Variants in HMCN2 observed in about 807,000 individuals in gnomAD.
The protein encoded by HMCN2 is hemicentin 2, also known as hemicentin-2.
In HMCN2, 325 loss-of-function variants were observed where a neutral mutation model predicts 377.5. The ratio of observed to expected loss-of-function variants is 0.86; its 90% CI spans 0.79 to 0.94. The LOEUF is 0.94. Among genes scored for constraint, HMCN2 ranks in the 40% least tolerant of loss-of-function variants. The pLI, the probability that HMCN2 is intolerant of heterozygous loss-of-function variation, is 0.00. For missense variants in HMCN2, 4,543 were observed against 4,725.3 expected, an observed-to-expected ratio of 0.96 and a Z score of 1.13; for synonymous variants, 2,007 against 2,046.8, an observed-to-expected ratio of 0.98 and a Z score of 0.53.
chr9:130,317,943 C>T, intron 15 of HMCN2, among the ~76,000 whole-genome samples: 1 of 152,052 alleles, frequency 6.6e-6, no homozygotes, highest in East Asian at 1.9e-4. Flanking sequence ...TGCGGCTGGG[C>T]TGGGTGCAGC....
Position 130,428,345 on chromosome 9 carries a change from G to C in HMCN2, c.14066-13G>C. 6.5e-7 allele frequency: 1 copy of C among 1,541,202 alleles called. No individual in the cohort carries two copies. The highest frequency in any genetic ancestry group is 1.2e-5 in the South Asian group (1 of 83,532). ...TCATGTTCACACAGCCGTCTGCCCT[G>C]ATCTGCCCCCAGATGTGGACGAGTG... On this transcript the variant is annotated splice_polypyrimidine_tract_variant and intron_variant, in intron 92 of 97. Coordinates refer to ENST00000683500, the MANE Select transcript of HMCN2 (RefSeq NM_001291815.2). The surrounding 1 kb of genome is among the most constrained non-coding windows in gnomAD (Gnocchi z 5.0).
intron 40 of HMCN2, 68 bp downstream of exon 40, chr9:130,363,058 A>G: frequency 1.0e-6 from 1 of 983,486 alleles, no homozygotes; most frequent in Non-Finnish European, 1.2e-6. Flanking sequence ...GGGCATTCCC[A>G]GTCACTTCCA....
chr9:130,273,676 T>G (rs1834524207), intron 1 of HMCN2, among the ~76,000 whole-genome samples: 1 of 152,208 alleles, frequency 6.6e-6, no homozygotes, highest in Non-Finnish European at 1.5e-5. Flanking sequence ...TTTCGTATCT[T>G]TAGTAGAGAC....
At chr9:130,371,724 G>T (rs1705164184) in intron 46 of HMCN2, among the ~76,000 whole-genome samples, 1 of 152,256 alleles carries the variant, frequency 6.6e-6, no homozygotes, top group South Asian at 2.1e-4. Flanking sequence ...GGTAAGAATT[G>T]CCGGGTGCAT....
chr9:130,431,716 T>A (rs997815291), intron 96 of HMCN2, among the ~76,000 whole-genome samples: 1 of 152,210 alleles, frequency 6.6e-6, no homozygotes, highest in Non-Finnish European at 1.5e-5. Context: ...GGGCAGGCTC[T>A]GAAAGCAGCC....
chr9:130,276,220 CA>C (rs1834685628), intron 1 of HMCN2, among the ~76,000 whole-genome samples: 1 of 152,146 alleles, frequency 6.6e-6, no homozygotes, highest in South Asian at 2.1e-4. Flanking sequence ...CTTCAATTCT[CA>C]AGGGTCCCCT....
intron 4 of HMCN2, among the ~76,000 whole-genome samples, chr9:130,293,036 A>T (rs1554930611): frequency 6.6e-6 from 1 of 152,012 alleles, no homozygotes; most frequent in East Asian, 1.9e-4. Flanking sequence ...CTATCAATTT[A>T]TCATCTATCT....
intron 85 of HMCN2, 71 bp downstream of exon 85, chr9:130,410,723 A>G: frequency 7.6e-7 from 1 of 1,313,544 alleles, no homozygotes; most frequent in Non-Finnish European, 1.1e-6. Flanking sequence ...TGTGCAGCCT[A>G]GAGGGCAGAC....
Position 130,430,584 on chromosome 9 carries a change from G to A in HMCN2, c.14627G>A (p.Arg4876Lys). The part of the protein sequence containing the change: ...GRAWCPPGFI[R>K]QNGVCTDLDE... ...GCCTGGTGCCCTCCTGGTTTCATCA[G>A]GCAGAACGGAGTCTGCACAGGTAAG... Residue 4876 changes from arginine (R) to lysine (K), a missense_variant, in exon 95 of 98, where the codon AGG becomes AAG. Around this residue, in one of 5 missense-constraint regions of HMCN2, gnomAD observed 1,155 missense variants for 1,157.7 expected, o/e 1.00. Coordinates refer to ENST00000683500, the MANE Select transcript of HMCN2 (RefSeq NM_001291815.2). 1 of 1,550,040 alleles carries A rather than the reference G, an allele frequency of 6.5e-7. No individual in the cohort carries two copies. The highest frequency in any genetic ancestry group is 1.2e-5 in the South Asian group (1 of 84,000).
intron 87 of HMCN2, among the ~76,000 whole-genome samples, chr9:130,424,432 T>G (rs1027389807): frequency 3.9e-5 from 6 of 152,026 alleles, no homozygotes; most frequent in Admixed American, 2.0e-4. Flanking sequence ...GTGATCTGAC[T>G]GCCTCGGCCT....
At chr9:130,418,024 G>A (rs983891306) in intron 85 of HMCN2, among the ~76,000 whole-genome samples, 3 of 152,144 alleles carry the variant, frequency 2.0e-5, no homozygotes, top group African/African-American at 7.2e-5. Flanking sequence ...GAGGGTCAGG[G>A]AGTGACTTGG....
chr9:130,424,224 G>A (rs964826212), intron 87 of HMCN2, among the ~76,000 whole-genome samples: 2 of 149,666 alleles, frequency 1.3e-5, no homozygotes, highest in African/African-American at 4.9e-5. Flanking sequence ...TGTCACCCAG[G>A]CTAGAGTGCA....
At chr9:130,310,719 G>A (rs1837202753) in intron 15 of HMCN2, among the ~76,000 whole-genome samples, 1 of 152,174 alleles carries the variant, frequency 6.6e-6, no homozygotes, top group Non-Finnish European at 1.5e-5. Flanking sequence ...AGGAGGCGGG[G>A]ATCTCTGGGA....
chr9:130,307,415 A>C, intron 13 of HMCN2, 38 bp from the exon 14 acceptor site: 1 of 470,120 alleles, frequency 2.1e-6, no homozygotes, highest in Non-Finnish European at 4.4e-6. Context: ...ATGACCTTTG[A>C]AGGTTGGTCC....
At chr9:130,411,700 C>T (rs1014134320) in intron 85 of HMCN2, among the ~76,000 whole-genome samples, 22 of 151,832 alleles carry the variant, frequency 1.4e-4, no homozygotes, top group African/African-American at 5.3e-4. Context: ...TGGAAAAAGC[C>T]GGTCACAAAG....
Position 130,418,794 on chromosome 9 carries a change from G to A in HMCN2, c.12984G>A (p.Glu4328=), listed in dbSNP as rs1255065446. Residue 4328 remains glutamate, a synonymous_variant, in exon 86 of 98, where the codon GAG becomes GAA. Coordinates refer to ENST00000683500, the MANE Select transcript of HMCN2 (RefSeq NM_001291815.2). ...CAGGTGCTCCGGTGTTCCAGGTGGA[G>A]CCCCAGGACATGACAGTGAGATCTG... ...VLQSAPVFQV[E]PQDMTVRSGD... 6.8e-7 allele frequency: 1 copy of A among 1,460,642 alleles called. No homozygotes were observed. 90.5% of individuals were successfully genotyped at this position (1,460,642 alleles called of 1,614,324 possible).
rs1303167472 is a variant in HMCN2 at position 130,403,250 on chromosome 9, G to A, written c.11935G>A (p.Val3979Met). 3.9e-6 allele frequency: 5 copies of A among 1,289,830 alleles called. No homozygotes were observed. The highest frequency in any genetic ancestry group is 5.1e-6 in the Non-Finnish European group (5 of 988,874). The allele number at this position is 1,289,830 out of a possible 1,614,324, so 79.9% of individuals were successfully genotyped here. ...GGTTCGGGCAGTGGCAGAGGAGGAG[G>A]TGCTGCTGCCCTGCGAGGCCTCAGG... ...SVVRAVAEEEVLLPCEASGIP... is the reference protein window; with the variant it reads ...SVVRAVAEEEMLLPCEASGIP... The change falls in exon 79 of 98, where the codon GTG becomes ATG. Residue 3979 changes from valine (V) to methionine (M), a missense_variant. This residue lies in a region of HMCN2 where 1,073 missense variants were observed against 1,319.5 expected (regional missense o/e 0.81). Coordinates refer to ENST00000683500, the MANE Select transcript of HMCN2 (RefSeq NM_001291815.2).
intron 4 of HMCN2, among the ~76,000 whole-genome samples, chr9:130,290,613 C>T (rs1485992193): frequency 6.6e-6 from 1 of 152,190 alleles, no homozygotes; most frequent in Non-Finnish European, 1.5e-5. Context: ...TGGGCCTCTC[C>T]AGCTGGGAGT....
chr9:130,371,091 G>A lies in HMCN2; in HGVS notation c.7197G>A (p.Glu2399=). ...PPPAIRWFRG[E]EPVSPGEDTY... is the part of the protein sequence containing the mutation. ...CAGCCATCCGCTGGTTCCGAGGGGA[G>A]GAGCCTGTCAGCCCCGGGGAGGACA... The change falls in exon 46 of 98, where the codon GAG becomes GAA. Residue 2399 remains glutamate, a synonymous_variant. Transcript: ENST00000683500. The A allele has an allele frequency of 1.0e-6, 1 of 985,842 alleles. No homozygotes were observed. Among genetic ancestry groups the A allele is most frequent in the Non-Finnish European group, 1.2e-6 (1 of 830,024 alleles). 61.1% of individuals were successfully genotyped at this position (985,842 alleles called of 1,614,324 possible).
Sources: allele counts gnomAD v4.1 joint callset (sites outside exome capture counted in the v4.1 genomes callset), GRCh38; gene constraint gnomAD v4.1.1; regional missense constraint gnomAD v4.1.1; non-coding constraint Gnocchi (gnomAD v3.1); transcripts MANE v1.5; gene names NCBI Gene and HGNC (gene_info 2026-07-23, HGNC 2026-07-21).